Variants in DISP3 observed in about 807,000 individuals in gnomAD.
The protein encoded by DISP3 is protein dispatched homolog 3.
A neutral mutation model predicts 135.3 loss-of-function variants in DISP3; 101 were observed. That is an observed-to-expected ratio of 0.75 (90% CI 0.64 to 0.88). The LOEUF (loss-of-function observed/expected upper bound fraction) is 0.88. Ranked by LOEUF, DISP3 falls within the 40% of genes least tolerant of loss-of-function variation. DISP3 has a pLI of 0.00. For missense variants in DISP3, 1,713 were observed against 1,878.6 expected (o/e 0.91, Z 1.63); for synonymous variants, 856 against 817.0 (o/e 1.05, Z -0.81).
Position 11,531,792 on chromosome 1 carries a change from A to G in DISP3, c.3375+82A>G. 6.7e-7 allele frequency: 1 copy of G among 1,498,244 alleles called. No homozygotes were observed. Among genetic ancestry groups the G allele is most frequent in the Non-Finnish European group, 8.9e-7 (1 of 1,127,086 alleles). 92.8% of individuals were successfully genotyped at this position (1,498,244 alleles called of 1,614,324 possible). A position where few individuals can be genotyped will look rare whatever the true frequency, so the allele number is the denominator to read the frequency against. On this transcript the variant is annotated intron_variant, in intron 17 of 20. Transcript: ENST00000294484. The surrounding 1 kb of genome is among the most constrained non-coding windows in gnomAD (Gnocchi z 5.2). ...CCTCTGATCCCAGCCCTCTTCCCAG[A>G]TCGGGGGGGAGATGCTGAGGCCCAG...
chr1:11,531,836 C>T lies in DISP3; in HGVS notation c.3375+126C>T. On this transcript the variant is annotated intron_variant, in intron 17 of 20. Coordinates refer to ENST00000294484, the MANE Select transcript of DISP3 (RefSeq NM_020780.2). The surrounding 1 kb of genome is among the most constrained non-coding windows in gnomAD (Gnocchi z 5.2). ...GGCCCAGAGAGGTGGAGTGACTTGC[C>T]TGAGGTCACATAGTTAGTGGGTGTC... 1 of 1,336,688 alleles carries T rather than the reference C, an allele frequency of 7.5e-7. No individual in the cohort carries two copies. Among genetic ancestry groups the T allele is most frequent in the Non-Finnish European group, 9.9e-7 (1 of 1,006,508 alleles). 82.8% of individuals were successfully genotyped at this position (1,336,688 alleles called of 1,614,324 possible).
At chr1:11,530,474 G>C (rs1340869394) in intron 15 of DISP3, among the ~76,000 whole-genome samples, 1 of 152,216 alleles carries the variant, frequency 6.6e-6, no homozygotes, top group Non-Finnish European at 1.5e-5. Flanking sequence ...ACACGGGAAT[G>C]GCAGCCATGG....
At chr1:11,525,127 G>T (rs771307603) in intron 11 of DISP3, 49 bp from the exon 12 acceptor site, 4 of 1,603,808 alleles carry the variant, frequency 2.5e-6, no homozygotes, top group Admixed American at 3.3e-5. Context: ...GTCAGGAGAA[G>T]CCAGTCGAGG....
rs368921386 is a variant in DISP3 at position 11,518,578 on chromosome 1, C to T, written c.1890-777C>T. On this transcript the variant is annotated intron_variant, in intron 7 of 20. Coordinates refer to ENST00000294484, the MANE Select transcript of DISP3 (RefSeq NM_020780.2). ...CAAAATAAGCCCCACGTCTGCCCCCCGGCCTGGGGCTGTCTCCCCAGTGGT... is the reference window on the plus strand; with the variant it reads ...CAAAATAAGCCCCACGTCTGCCCCCTGGCCTGGGGCTGTCTCCCCAGTGGT... 1.1e-4 allele frequency among the ~76,000 whole-genome samples: 17 copies of T among 152,300 alleles called. No homozygotes were observed. In the East Asian group the frequency reaches 1.9e-3, roughly 17 times the overall value.
intron 1 of DISP3, among the ~76,000 whole-genome samples, chr1:11,489,194 A>C (rs1038765558): frequency 3.9e-5 from 6 of 152,108 alleles, no homozygotes; most frequent in Non-Finnish European, 7.4e-5. Context: ...CCTCTCCCAG[A>C]GCTCCATCCC....
chr1:11,482,150 C>T (rs988380808), intron 1 of DISP3, among the ~76,000 whole-genome samples: 4 of 152,198 alleles, frequency 2.6e-5, no homozygotes, highest in South Asian at 4.2e-4. Context: ...CTCCCCATCC[C>T]CTATTCCCCT....
intron 3 of DISP3, 102 bp from the exon 4 acceptor site, chr1:11,514,288 T>G (rs1392511240): frequency 2.4e-5 from 32 of 1,357,898 alleles, no homozygotes; most frequent in Admixed American, 7.2e-5. Context: ...GAGTCACAGG[T>G]GAAGTGGACA....
Position 11,531,621 on chromosome 1 carries a change from G to A in DISP3, c.3286G>A (p.Glu1096Lys), listed in dbSNP as rs373830908. ...MLHPECKELP[E>K]PNLLPGQLSH... ...GCACCCTGAGTGCAAGGAGCTGCCC[G>A]AGCCCAACCTGCTCCCGGGGCAGCT... Residue 1096 changes from glutamate (E) to lysine (K), a missense_variant, in exon 17 of 21, where the codon GAG becomes AAG. Transcript: ENST00000294484. The surrounding 1 kb of genome is among the most constrained non-coding windows in gnomAD (Gnocchi z 5.2). 1.9e-5 allele frequency: 30 copies of A among 1,613,332 alleles called. No individual in the cohort carries two copies. In the Admixed American group the frequency reaches 2.0e-4, roughly 11 times the overall value.
intron 17 of DISP3, among the ~76,000 whole-genome samples, chr1:11,533,253 CTTTTT>C (rs70983563): frequency 9.6e-6 from 1 of 103,986 alleles, no homozygotes; most frequent in Non-Finnish European, 2.0e-5. Context: ...GTGACTGTTT[CTTTTT>C]TTTTTTTTTT....
At chr1:11,511,187 G>T (rs1431966697) in intron 3 of DISP3, among the ~76,000 whole-genome samples, 1 of 152,120 alleles carries the variant, frequency 6.6e-6, no homozygotes, top group Non-Finnish European at 1.5e-5. Flanking sequence ...CAATTCTCAT[G>T]TCCTCACATT....
At position 11,519,722 on chromosome 1, in the gene DISP3, C is replaced by G. The variant is rs1273774246; in HGVS notation, c.2042C>G (p.Ser681Ter). 6.2e-7 allele frequency: 1 copy of G among 1,612,478 alleles called. No homozygotes were observed. ...PLLEVEEEPVSLELGDVSLVS... is the reference protein window; with the variant it reads ...PLLEVEEEPV ...GGCCACTGCTCTGCCCTGGCAGTGT[C>G]ACTGGAGCTGGGAGACGTGTCCCTG... Residue 681 changes from serine to a stop codon, truncating the protein, a stop_gained, in exon 9 of 21, where the codon TCA becomes TGA. Transcript: ENST00000294484. LOFTEE classifies it high-confidence loss of function. The surrounding 1 kb of genome is among the most constrained non-coding windows in gnomAD (Gnocchi z 4.3).
chr1:11,514,292 G>A, intron 3 of DISP3, 98 bp from the exon 4 acceptor site: 1 of 1,395,816 alleles, frequency 7.2e-7, no homozygotes, highest in Non-Finnish European at 9.9e-7. Context: ...CACAGGTGAA[G>A]TGGACAGCTC....
chr1:11,510,763 G>T (rs970732332), intron 3 of DISP3, among the ~76,000 whole-genome samples: 2 of 152,068 alleles, frequency 1.3e-5, no homozygotes, highest in Non-Finnish European at 2.9e-5. Flanking sequence ...GAGGCCAGGA[G>T]TTCAAGACCA....
In DISP3 at chr1:11,504,082, A is replaced by G. The variant is rs142707083; in HGVS notation, c.1316+1185A>G. Among the ~76,000 whole-genome samples, 11 of 152,264 alleles carry G rather than the reference A, an allele frequency of 7.2e-5. 1 individual carries two copies. The East Asian group carries it at 2.1e-3, about 29-fold the overall frequency. ...GGAATCATCTGCCTGAAACACCCTCATTCCTTCCACTGCTTATCCTTTATA... is the reference window on the plus strand; with the variant it reads ...GGAATCATCTGCCTGAAACACCCTCGTTCCTTCCACTGCTTATCCTTTATA... On this transcript the variant is annotated intron_variant, in intron 3 of 20. Transcript: ENST00000294484.
chr1:11,523,045 C>A lies in DISP3; in HGVS notation c.2363-897C>A, dbSNP rs1642293293. Reference sequence around the variant, plus strand: ...CTCTGGGAACTGCCTCTTGGAGGGACCCCTTCAGAGTACAGCAGAGTGCTT... The same window carrying A: ...CTCTGGGAACTGCCTCTTGGAGGGAACCCTTCAGAGTACAGCAGAGTGCTT... On this transcript the variant is annotated intron_variant, in intron 10 of 20. Coordinates refer to ENST00000294484, the MANE Select transcript of DISP3 (RefSeq NM_020780.2). 2.6e-5 allele frequency among the ~76,000 whole-genome samples: 4 copies of A among 152,302 alleles called. No homozygotes were observed. In the South Asian group the frequency reaches 8.3e-4, roughly 32 times the overall value.
In DISP3 at chr1:11,520,169, G is replaced by C. The variant is rs1470454574; in HGVS notation, c.2200+289G>C. Among the ~76,000 whole-genome samples the C allele has an allele frequency of 1.3e-5, 2 of 152,048 alleles. No individual in the cohort carries two copies. The highest frequency in any genetic ancestry group is 4.8e-5 in the African/African-American group (2 of 41,442). ...TGAGTCTGAGTCCCAGTTTGGCCGCGTCCTAGCTGTGTGAATTTGGCTATT... is the reference window on the plus strand; with the variant it reads ...TGAGTCTGAGTCCCAGTTTGGCCGCCTCCTAGCTGTGTGAATTTGGCTATT... On this transcript the variant is annotated intron_variant, in intron 9 of 20. Transcript: ENST00000294484. The surrounding 1 kb of genome is among the most constrained non-coding windows in gnomAD (Gnocchi z 4.8).
In DISP3 at chr1:11,516,231, C is replaced by T. The variant is rs1288959656; in HGVS notation, c.1749+70C>T. On this transcript the variant is annotated intron_variant, in intron 6 of 20. Transcript: ENST00000294484. The surrounding 1 kb of genome is among the most constrained non-coding windows in gnomAD (Gnocchi z 5.1). ...ATGCATACCTAGCCGCTGGTCTCTG[C>T]CCTTCCCACCACCGCTTGAGTGGCC... The T allele has an allele frequency of 6.5e-7, 1 of 1,544,978 alleles. No individual in the cohort carries two copies. Among genetic ancestry groups the T allele is most frequent in the Non-Finnish European group, 8.8e-7 (1 of 1,133,298 alleles).
chr1:11,532,011 A>C (rs1557623008), intron 17 of DISP3, among the ~76,000 whole-genome samples: 1 of 151,994 alleles, frequency 6.6e-6, no homozygotes, highest in Non-Finnish European at 1.5e-5. Context: ...TCTGGTCTGT[A>C]GGGGCCGGTG....
chr1:11,520,994 A>G lies in DISP3; in HGVS notation c.2362+146A>G. The G allele has an allele frequency of 9.3e-7, 1 of 1,074,498 alleles. No homozygotes were observed. The highest frequency in any genetic ancestry group is 1.6e-5 in the African/African-American group (1 of 62,624). The allele number at this position is 1,074,498 out of a possible 1,614,324, so 66.6% of individuals were successfully genotyped here. A position where few individuals can be genotyped will look rare whatever the true frequency, so the allele number is the denominator to read the frequency against. ...CCCCTCTGAGCCCCCATGTTCCCAC[A>G]GTTCATTCAACAGATGCCTGCTGGG... On this transcript the variant is annotated intron_variant, in intron 10 of 20. Coordinates refer to ENST00000294484, the MANE Select transcript of DISP3 (RefSeq NM_020780.2). This position sits in a 1 kb window ranked among gnomAD's most constrained non-coding sequence, Gnocchi z 4.8.
Sources: allele counts gnomAD v4.1 joint callset (sites outside exome capture counted in the v4.1 genomes callset), GRCh38; gene constraint gnomAD v4.1.1; non-coding constraint Gnocchi (gnomAD v3.1); transcripts MANE v1.5; gene names NCBI Gene and HGNC (gene_info 2026-07-23, HGNC 2026-07-21).